The following TNR variants were observed in gnomAD, a reference collection of about 807,000 sequenced individuals.
TNR encodes tenascin R.
In TNR, 45 loss-of-function variants were observed where a neutral mutation model predicts 150.4. That is an observed-to-expected ratio of 0.30 (90% confidence interval 0.24 to 0.38). TNR has a LOEUF of 0.38. Ranked by LOEUF, TNR falls within the 10% of genes least tolerant of loss-of-function variation. The probability of loss-of-function intolerance (pLI) is 1.00; values close to 1 mark genes in which losing one functional copy is unlikely to be tolerated. For missense variants in TNR, 1,544 were observed against 1,759.1 expected, an observed-to-expected ratio of 0.88 and a Z score of 2.19; for synonymous variants, 687 against 678.4, an observed-to-expected ratio of 1.01 and a Z score of -0.20.
rs368698097 is a variant in TNR, at chr1:175,321,879, G to GA, written c.*1477dup. ...TCCTGTTTCCCATAGGACCAAAAAA[G>GA]AAAAAAAAAATCAACCTCTTTCCAG... On this transcript the variant is annotated 3_prime_UTR_variant, in exon 23 of 23. Coordinates refer to ENST00000367674, the MANE Select transcript of TNR (RefSeq NM_003285.3). The GA allele has an allele frequency of 1.3e-3, 198 of 148,710 alleles. 2 individuals are homozygous for GA. The highest frequency in any genetic ancestry group is 0.01 in the Middle Eastern group (3 of 288). 9.2% of individuals were successfully genotyped at this position (148,710 alleles called of 1,614,324 possible). A position where few individuals can be genotyped will look rare whatever the true frequency, so the allele number is the denominator to read the frequency against.
chr1:175,617,226 C>G (rs981673929), intron 1 of TNR, among the ~76,000 whole-genome samples: 1 of 152,224 alleles, frequency 6.6e-6, no homozygotes, highest in African/African-American at 2.4e-5. Flanking sequence ...CTTTACTGAT[C>G]ATTACACAAA....
chr1:175,461,349 C>T (rs1035092377), intron 2 of TNR, among the ~76,000 whole-genome samples: 10 of 152,114 alleles, frequency 6.6e-5, no homozygotes, highest in Non-Finnish European at 1.3e-4. Flanking sequence ...CTTTTGCTCC[C>T]AACAAAATGT....
At chr1:175,438,939 G>C (rs1655646864) in intron 2 of TNR, among the ~76,000 whole-genome samples, 1 of 152,012 alleles carries the variant, frequency 6.6e-6, no homozygotes, top group South Asian at 2.1e-4. Context: ...CATGAAAATG[G>C]CCATACTGCC....
chr1:175,406,679 G>A lies in TNR; in HGVS notation c.36C>T (p.Asn12=), dbSNP rs148312163. ...GGATCAGGTTGATGCCAATGAGCATGTTCTTCAGAACCACTGTTTCCCCAT... is the reference window on the plus strand; with the variant it reads ...GGATCAGGTTGATGCCAATGAGCATATTCTTCAGAACCACTGTTTCCCCAT... ...GADGETVVLK[N]MLIGINLILL... is the part of the protein sequence containing the mutation. The change falls in exon 3 of 23, where the codon AAC becomes AAT. Residue 12 remains asparagine, a synonymous_variant. Coordinates refer to ENST00000367674, the MANE Select transcript of TNR (RefSeq NM_003285.3). 311 of 1,614,072 alleles carry A rather than the reference G, an allele frequency of 1.9e-4. No homozygotes were observed. Among genetic ancestry groups the A allele is most frequent in the Non-Finnish European group, 2.6e-4 (306 of 1,180,040 alleles).
At chr1:175,660,449 T>C (rs2101896258) in intron 1 of TNR, among the ~76,000 whole-genome samples, 1 of 152,358 alleles carries the variant, frequency 6.6e-6, no homozygotes, top group Middle Eastern at 3.4e-3. Flanking sequence ...GATCACTTTA[T>C]TGACTGGTCA....
chr1:175,632,547 T>A (rs985538264), intron 1 of TNR, among the ~76,000 whole-genome samples: 1 of 152,218 alleles, frequency 6.6e-6, no homozygotes, highest in Non-Finnish European at 1.5e-5. Context: ...GAATTAAGGA[T>A]TGACTTTTGG....
chr1:175,485,545 TAGA>T (rs1438134106), intron 2 of TNR, among the ~76,000 whole-genome samples: 1 of 152,072 alleles, frequency 6.6e-6, no homozygotes, highest in East Asian at 1.9e-4. Context: ...CCTAAATACG[TAGA>T]AGGTGTGGAC....
intron 1 of TNR, among the ~76,000 whole-genome samples, chr1:175,579,974 G>T (rs1662285450): frequency 6.6e-6 from 1 of 152,102 alleles, no homozygotes; most frequent in African/African-American, 2.4e-5. Context: ...AAGATGCTGA[G>T]GTCCAAACGG....
intron 2 of TNR, among the ~76,000 whole-genome samples, chr1:175,504,599 T>C (rs191616623): frequency 4.1e-4 from 63 of 152,264 alleles, no homozygotes; most frequent in African/African-American, 1.3e-3. Flanking sequence ...CCTCCTGCCC[T>C]GTCAGCTGAT....
At chr1:175,742,071 C>A (rs1057410965) in intron 1 of TNR, among the ~76,000 whole-genome samples, 7 of 152,280 alleles carry the variant, frequency 4.6e-5, no homozygotes, top group East Asian at 1.9e-4. Context: ...ATGACTCAAC[C>A]AGGTAGGTGT....
intron 18 of TNR, 128 bp downstream of exon 18, chr1:175,354,263 G>T: frequency 7.8e-7 from 1 of 1,281,776 alleles, no homozygotes; most frequent in Non-Finnish European, 1.1e-6. Context: ...TTGGACAGGG[G>T]AAAAGAAGGA....
Position 175,406,774 on chromosome 1 carries a change from G to A in TNR, c.-60C>T. The stretch of plus-strand genomic sequence containing the variant: ...TGCAGCACACAGCATGGAGTTGTGG[G>A]AATCTGCAACGGAAACCAAGGAAAG... On this transcript the variant is annotated 5_prime_UTR_variant, in exon 3 of 23. Transcript: ENST00000367674. The A allele has an allele frequency of 1.9e-6, 3 of 1,573,986 alleles. No individual in the cohort carries two copies. Among genetic ancestry groups the A allele is most frequent in the Non-Finnish European group, 1.7e-6 (2 of 1,160,970 alleles).
intron 2 of TNR, among the ~76,000 whole-genome samples, chr1:175,519,306 G>C (rs1334593337): frequency 6.6e-6 from 1 of 152,202 alleles, no homozygotes; most frequent in South Asian, 2.1e-4. Context: ...GTGTTCAGGG[G>C]AAGGAAATTG....
chr1:175,596,130 T>C (rs1662995975), intron 1 of TNR, among the ~76,000 whole-genome samples: 1 of 152,204 alleles, frequency 6.6e-6, no homozygotes, highest in African/African-American at 2.4e-5. Context: ...CTTAGATCTT[T>C]GGTTTGGCTA....
intron 1 of TNR, among the ~76,000 whole-genome samples, chr1:175,727,139 C>T (rs2101949804): frequency 6.6e-6 from 1 of 152,324 alleles, no homozygotes; most frequent in Non-Finnish European, 1.5e-5. Flanking sequence ...GCTGGTTGAC[C>T]TTGTTGTCTA....
intron 1 of TNR, among the ~76,000 whole-genome samples, chr1:175,568,028 A>G (rs998399768): frequency 3.9e-5 from 6 of 152,234 alleles, no homozygotes; most frequent in African/African-American, 9.6e-5. Context: ...TTACAATAAC[A>G]TAAGTCTGCC....
intron 1 of TNR, among the ~76,000 whole-genome samples, chr1:175,719,938 C>G (rs1212159200): frequency 6.6e-6 from 1 of 152,236 alleles, no homozygotes; most frequent in Non-Finnish European, 1.5e-5. Context: ...CCTGTAGTGG[C>G]AGGCGTGCCT....
intron 2 of TNR, among the ~76,000 whole-genome samples, chr1:175,416,225 C>A (rs1654441279): frequency 6.6e-6 from 1 of 152,018 alleles, no homozygotes; most frequent in African/African-American, 2.4e-5. Flanking sequence ...TTAATCCTCA[C>A]AAGAATTGAT....
At chr1:175,396,914 C>T (rs2102039858) in intron 4 of TNR, 107 bp from the exon 5 acceptor site, 7 of 1,421,118 alleles carry the variant, frequency 4.9e-6, no homozygotes, top group Non-Finnish European at 6.7e-6. Context: ...GTCTATATGT[C>T]CTGCTGGGCT....
Sources: allele counts gnomAD v4.1 joint callset (sites outside exome capture counted in the v4.1 genomes callset), GRCh38; gene constraint gnomAD v4.1.1; transcripts MANE v1.5; gene names NCBI Gene and HGNC (gene_info 2026-07-23, HGNC 2026-07-21).